The following TAF2 variants were observed in gnomAD, a reference collection of about 807,000 sequenced individuals.
TAF2 encodes the protein transcription initiation factor TFIID subunit 2.
In TAF2, 61 loss-of-function variants were observed where a neutral mutation model predicts 138.5. The ratio of observed to expected loss-of-function variants is 0.44; its 90% CI spans 0.36 to 0.54. TAF2 has a LOEUF of 0.54. Ranked by LOEUF, TAF2 falls within the 20% of genes least tolerant of loss-of-function variation. TAF2 has a pLI of 0.00. For synonymous variants in TAF2, 475 were observed against 469.9 expected (o/e 1.01, Z -0.14); for missense variants, 1,090 against 1,427.9 (o/e 0.76, Z 3.81).
intron 10 of TAF2, among the ~76,000 whole-genome samples, 155 bp downstream of exon 10, chr8:119,793,211 T>A (rs941216968): frequency 6.6e-6 from 1 of 152,198 alleles, no homozygotes; most frequent in African/African-American, 2.4e-5. Flanking sequence ...TCCAATCTTA[T>A]GAGCTTTATG....
intron 22 of TAF2, among the ~76,000 whole-genome samples, chr8:119,750,792 A>G (rs1282191398): frequency 6.6e-6 from 1 of 152,214 alleles, no homozygotes. Flanking sequence ...GTTGTCCCTC[A>G]TTCTACTCCC....
intron 9 of TAF2, among the ~76,000 whole-genome samples, chr8:119,794,447 G>A (rs1026250828): frequency 2.0e-4 from 31 of 151,454 alleles, no homozygotes; most frequent in Admixed American, 1.8e-3. Flanking sequence ...CAATTGTGCT[G>A]GAAACTCCTA....
chr8:119,797,455 AGATGAGC>A (rs1823908692), intron 7 of TAF2, among the ~76,000 whole-genome samples, 200 bp downstream of exon 7: 1 of 136,474 alleles, frequency 7.3e-6, no homozygotes, highest in Admixed American at 6.8e-5. Flanking sequence ...TTCTGGATGA[AGATGAGC>A]CTTTTGAGTT....
intron 6 of TAF2, 87 bp downstream of exon 6, chr8:119,801,707 C>T (rs1232860067): frequency 1.5e-6 from 2 of 1,320,550 alleles, no homozygotes; most frequent in African/African-American, 1.5e-5. Flanking sequence ...GGATTACAGG[C>T]ATGAGCCACC....
In TAF2 at chr8:119,795,640, A is replaced by G. The variant is rs1017347086; in HGVS notation, c.1092-9T>C. The G allele has an allele frequency of 6.2e-7, 1 of 1,611,926 alleles. No individual in the cohort carries two copies. The highest frequency in any genetic ancestry group is 1.7e-5 in the Admixed American group (1 of 59,982). On this transcript the variant is annotated splice_polypyrimidine_tract_variant and intron_variant, in intron 8 of 25. Transcript: ENST00000378164. ...GCACCCATTCATCAGACCTAAGCAAAAAGTCAAAGCATAAATTACTTTTAA... is the reference window on the plus strand; with the variant it reads ...GCACCCATTCATCAGACCTAAGCAAGAAGTCAAAGCATAAATTACTTTTAA...
At position 119,821,933 on chromosome 8, in the gene TAF2, G is replaced by A. The variant is rs542113992; in HGVS notation, c.139-2427C>T. Among the ~76,000 whole-genome samples, 40 of 152,224 alleles carry A rather than the reference G, an allele frequency of 2.6e-4. No homozygotes were observed. The East Asian group carries it at 3.7e-3, about 14-fold the overall frequency. On this transcript the variant is annotated intron_variant, in intron 2 of 25. Transcript: ENST00000378164. ...TGTAGTTCCAGTTACTGGGGAGGCT[G>A]AGGTGGAATGATTGCTTGAGCCTGG...
intron 18 of TAF2, among the ~76,000 whole-genome samples, chr8:119,770,033 C>T (rs1013651827): frequency 6.0e-5 from 9 of 150,564 alleles, no homozygotes; most frequent in Admixed American, 1.3e-4. Flanking sequence ...CTGGGATTAC[C>T]GGTGTAAGCC....
At chr8:119,823,496 C>T (rs1361475046) in intron 2 of TAF2, among the ~76,000 whole-genome samples, 1 of 151,968 alleles carries the variant, frequency 6.6e-6, no homozygotes, top group Admixed American at 6.6e-5. Flanking sequence ...TTGCCTGCCA[C>T]CATCCACGTA....
At chr8:119,741,029 C>T (rs899521512) in intron 25 of TAF2, among the ~76,000 whole-genome samples, 4 of 152,166 alleles carry the variant, frequency 2.6e-5, no homozygotes, top group Non-Finnish European at 5.9e-5. Context: ...TCCTATTCCC[C>T]ACCATTAGGG....
At chr8:119,747,539 A>G (rs1236118721) in intron 22 of TAF2, among the ~76,000 whole-genome samples, 1 of 152,102 alleles carries the variant, frequency 6.6e-6, no homozygotes, top group Non-Finnish European at 1.5e-5. Context: ...AGTTCTTTCC[A>G]TTTCTCTGAG....
chr8:119,826,923 T>G (rs1019233426), intron 2 of TAF2, among the ~76,000 whole-genome samples: 1 of 152,094 alleles, frequency 6.6e-6, no homozygotes, highest in Non-Finnish European at 1.5e-5. Flanking sequence ...CCAGGTGTGG[T>G]GGCTCACACC....
At position 119,795,565 on chromosome 8, in the gene TAF2, A is replaced by T. The variant is rs767182511; in HGVS notation, c.1158T>A (p.Phe386Leu). 5.0e-6 allele frequency: 8 copies of T among 1,613,676 alleles called. No homozygotes were observed. In the African/African-American group the frequency reaches 9.3e-5, roughly 19 times the overall value. Reference sequence around the variant, plus strand: ...TCCAATGGCGGTACTCATTAACACCAAAAGTTTTTTTCATCCAAAGTCCAT... The same window carrying T: ...TCCAATGGCGGTACTCATTAACACCTAAAGTTTTTTTCATCCAAAGTCCAT... The part of the protein sequence containing the change: ...YIYGLWMKKT[F>L]GVNEYRHWIK... The change falls in exon 9 of 26, where the codon TTT (phenylalanine) becomes TTA (leucine). Residue 386 changes from phenylalanine to leucine, a missense_variant. This residue lies in a region of TAF2 where 504 missense variants were observed against 680.9 expected (regional missense o/e 0.74). Transcript: ENST00000378164.
intron 17 of TAF2, among the ~76,000 whole-genome samples, chr8:119,780,714 T>A (rs1048548659): frequency 4.6e-5 from 7 of 152,036 alleles, no homozygotes; most frequent in African/African-American, 1.7e-4. Flanking sequence ...GGTGGGCGGA[T>A]CACAGGGTCA....
rs148745940 is a variant in TAF2, at chr8:119,804,018, C to A, written c.420G>T (p.Glu140Asp). The change falls in exon 5 of 26, where the codon GAG (glutamate) becomes GAT (aspartate). Residue 140 changes from glutamate to aspartate, a missense_variant and splice_region_variant. Transcript: ENST00000378164. The part of the protein sequence containing the change: ...VPSELWKHVD[E>D]LKVLKIHINF... ...TGATGTGTATCTTCAGGACCTTTAA[C>A]TCTGCAACAAATAAACATATACACA... 3 of 1,613,788 alleles carry A rather than the reference C, an allele frequency of 1.9e-6. No homozygotes were observed. The African/African-American group carries it at 4.0e-5, about 22-fold the overall frequency.
At chr8:119,753,853 A>T (rs1182322236) in intron 22 of TAF2, among the ~76,000 whole-genome samples, 2 of 152,214 alleles carry the variant, frequency 1.3e-5, no homozygotes, top group Admixed American at 1.3e-4. Context: ...TATTCTGGTT[A>T]AAAAGGTATT....
intron 9 of TAF2, 134 bp from the exon 10 acceptor site, chr8:119,793,585 T>A (rs758997402): frequency 4.0e-4 from 283 of 700,500 alleles, no homozygotes; most frequent in Non-Finnish European, 6.1e-4. Context: ...AAGTGAAATG[T>A]ATTTAAAGAG....
rs1388929132 is a variant in TAF2 at position 119,778,134 on chromosome 8, A to G, written c.2254-5T>C. The G allele has an allele frequency of 2.0e-6, 3 of 1,533,288 alleles. No homozygotes were observed. In the East Asian group the frequency reaches 6.7e-5, roughly 34 times the overall value. 95.0% of individuals were successfully genotyped at this position (1,533,288 alleles called of 1,614,324 possible). ...AGCCATTGCAACTGGCATAGTCTAC[A>G]AAAGAAAAAAAAGAACTTTTAAAAG... is the stretch of plus-strand genomic sequence containing the variant. On this transcript the variant is annotated splice_polypyrimidine_tract_variant and splice_region_variant and intron_variant, in intron 17 of 25. Coordinates refer to ENST00000378164, the MANE Select transcript of TAF2 (RefSeq NM_003184.4).
chr8:119,805,909 C>CT lies in TAF2; in HGVS notation c.418+373dup, dbSNP rs11309224. 6.0e-3 allele frequency among the ~76,000 whole-genome samples: 862 copies of CT among 144,132 alleles called. 9 individuals are homozygous for CT. Among genetic ancestry groups the CT allele is most frequent in the South Asian group, 0.019 (84 of 4,490 alleles). 94.6% of individuals were successfully genotyped at this position (144,132 alleles called of 152,430 possible). A position where few individuals can be genotyped will look rare whatever the true frequency, so the allele number is the denominator to read the frequency against. Reference sequence around the variant, plus strand: ...GTTCTTTCGTTTTGTTTTTGTTTTTCTTTTTTTTTTTTTAAGACGGAGTCT... The same window carrying CT: ...GTTCTTTCGTTTTGTTTTTGTTTTTCTTTTTTTTTTTTTTAAGACGGAGTCT... On this transcript the variant is annotated intron_variant, in intron 4 of 25. Coordinates refer to ENST00000378164, the MANE Select transcript of TAF2 (RefSeq NM_003184.4).
intron 18 of TAF2, among the ~76,000 whole-genome samples, chr8:119,772,547 T>G (rs1002638016): frequency 6.6e-6 from 1 of 152,194 alleles, no homozygotes; most frequent in Non-Finnish European, 1.5e-5. Flanking sequence ...CAAACCCAAC[T>G]GTTAGGTAAC....
Sources: allele counts gnomAD v4.1 joint callset (sites outside exome capture counted in the v4.1 genomes callset), GRCh38; gene constraint gnomAD v4.1.1; regional missense constraint gnomAD v4.1.1; transcripts MANE v1.5; gene names NCBI Gene and HGNC (gene_info 2026-07-23, HGNC 2026-07-21).